RASSF3: variants seen among roughly 807,000 people sequenced by gnomAD.
RASSF3 encodes the protein Ras association domain family member 3, also known as ras association domain-containing protein 3.
Under a neutral mutation model 19.9 loss-of-function variants are expected in RASSF3, and 19 were observed. The ratio of observed to expected loss-of-function variants is 0.96; its 90% CI spans 0.67 to 1.40. RASSF3 has a LOEUF of 1.40. Ranked by LOEUF, RASSF3 falls within the 40% of genes most tolerant of loss-of-function variation. RASSF3 has a pLI of 0.00. For synonymous variants in RASSF3, 110 were observed against 104.2 expected, an observed-to-expected ratio of 1.06 and a Z score of -0.34; for missense variants, 306 against 289.8, an observed-to-expected ratio of 1.06 and a Z score of -0.41.
intron 1 of RASSF3, among the ~76,000 whole-genome samples, chr12:64,644,580 C>G (rs1426660154): frequency 3.3e-5 from 5 of 152,076 alleles, no homozygotes; most frequent in Non-Finnish European, 7.4e-5. Flanking sequence ...GCCTGTAGTT[C>G]CAGCTACCCG....
intron 1 of RASSF3, among the ~76,000 whole-genome samples, chr12:64,535,061 T>C (rs1296466226): frequency 6.6e-6 from 1 of 150,858 alleles, no homozygotes; most frequent in Admixed American, 6.7e-5. Flanking sequence ...AAAATGTATG[T>C]TCATTTCAGA....
At chr12:64,638,105 T>A (rs1255399034) in intron 1 of RASSF3, among the ~76,000 whole-genome samples, 2 of 152,150 alleles carry the variant, frequency 1.3e-5, no homozygotes. Context: ...GTTGGGATTA[T>A]AGGCATGAGC....
rs1868344866 is a variant in RASSF3 at position 64,695,595 on chromosome 12, G to A, written c.*683G>A. 6.6e-6 allele frequency: 1 copy of A among 152,534 alleles called. No individual in the cohort carries two copies. The highest frequency in any genetic ancestry group is 1.5e-5 in the Non-Finnish European group (1 of 68,134). The allele number at this position is 152,534 out of a possible 1,614,324, so 9.4% of individuals were successfully genotyped here. ...TGTAAACGAGTTAAAAGCATTCAGT[G>A]TGGAGGTGTTAAACCCATTTTAGGA... is the stretch of plus-strand genomic sequence containing the variant. On this transcript the variant is annotated 3_prime_UTR_variant, in exon 5 of 5. Transcript: ENST00000542104.
upstream of RASSF3, among the ~76,000 whole-genome samples, chr12:64,531,144 C>G (rs1405162400): frequency 6.6e-6 from 1 of 152,132 alleles, no homozygotes; most frequent in Non-Finnish European, 1.5e-5. Context: ...TGATTCCCTC[C>G]TATGTTTTCT....
At chr12:64,603,163 C>CTT (rs549257057) in intron 2 of RASSF3, among the ~76,000 whole-genome samples, 13 of 149,806 alleles carry the variant, frequency 8.7e-5, no homozygotes, top group African/African-American at 3.0e-4. Flanking sequence ...GTTTCTTTAA[C>CTT]TTTTTTTTTT....
At chr12:64,587,258 T>C (rs1376600468) in intron 2 of RASSF3, among the ~76,000 whole-genome samples, 1 of 151,956 alleles carries the variant, frequency 6.6e-6, no homozygotes. Flanking sequence ...AGTTTCTCCA[T>C]GTTGGTCAGG....
chr12:64,543,447 C>CCCCCGCTGCCCGCCTGCCCCCCGCT (rs1565836117), downstream of RASSF3, among the ~76,000 whole-genome samples: 1 of 62,782 alleles, frequency 1.6e-5, no homozygotes, highest in Non-Finnish European at 3.7e-5. Context: ...CCCCCGTGCC[C>CCCCCGCTGCCCGCCTGCCCCCCGCT]GCCCGCCCCC....
intron 2 of RASSF3, among the ~76,000 whole-genome samples, chr12:64,556,914 G>T (rs925025405): frequency 7.0e-6 from 1 of 141,952 alleles, no homozygotes; most frequent in East Asian, 2.1e-4. Context: ...TCAGCTCACT[G>T]CAACCTCTGC....
chr12:64,605,748 G>C (rs1870179548), upstream of RASSF3, among the ~76,000 whole-genome samples: 1 of 151,962 alleles, frequency 6.6e-6, no homozygotes, highest in Non-Finnish European at 1.5e-5. Context: ...AATTAGCCAG[G>C]GTAGTGGCGC....
chr12:64,523,639 C>T (rs1263155466), intron 1 of RASSF3, among the ~76,000 whole-genome samples: 3 of 152,162 alleles, frequency 2.0e-5, no homozygotes, highest in East Asian at 1.9e-4. Context: ...CCTACCCTTC[C>T]TCCTCCTGTA....
intron 1 of RASSF3, among the ~76,000 whole-genome samples, chr12:64,540,927 C>T (rs1868923469): frequency 6.6e-6 from 1 of 152,090 alleles, no homozygotes; most frequent in African/African-American, 2.4e-5. Context: ...TGTGCCACCA[C>T]ACCTGGCAAA....
rs369749439 is a variant in RASSF3 at position 64,691,536 on chromosome 12, C to T, written c.524C>T (p.Thr175Ile). The change falls in exon 4 of 5, where the codon ACA (threonine) becomes ATA (isoleucine). Residue 175 changes from threonine (T) to isoleucine (I), a missense_variant. Transcript: ENST00000542104. ...LYLRLVAGPR[T>I]DTLSFVLREH... is the part of the protein sequence containing the mutation. ...CTGCGTTTGGTAGCAGGGCCCAGAA[C>T]AGACACACTTAGTTTTGTTCTTCGT... is the stretch of plus-strand genomic sequence containing the variant. 2.4e-5 allele frequency: 38 copies of T among 1,613,894 alleles called. No individual in the cohort carries two copies. The African/African-American group carries it at 3.2e-4, about 14-fold the overall frequency.
chr12:64,562,830 G>C (rs1482792877), intron 2 of RASSF3, among the ~76,000 whole-genome samples: 3 of 152,034 alleles, frequency 2.0e-5, no homozygotes, highest in African/African-American at 7.3e-5. Flanking sequence ...GTCTCACTTT[G>C]TTCCCCATGC....
intron 1 of RASSF3, among the ~76,000 whole-genome samples, chr12:64,627,426 A>T (rs914777461): frequency 6.6e-6 from 1 of 152,186 alleles, no homozygotes; most frequent in East Asian, 1.9e-4. Context: ...TTACTGTTGG[A>T]TGCATCAGGG....
chr12:64,686,755 A>G lies in RASSF3; in HGVS notation c.220-1461A>G, dbSNP rs149490354. Among the ~76,000 whole-genome samples, 1,502 of 152,256 alleles carry G rather than the reference A, an allele frequency of 9.9e-3. 32 individuals carry two copies. Among genetic ancestry groups the G allele is most frequent in the African/African-American group, 0.034 (1,423 of 41,542 alleles). On this transcript the variant is annotated intron_variant, in intron 2 of 4. Transcript: ENST00000542104. ...GGCAGGAGGATCACTTGAACTCAGG[A>G]AGTTGAGGCTGCAGTGAGCTGTGTT...
intron 2 of RASSF3, among the ~76,000 whole-genome samples, chr12:64,581,516 T>C (rs1869696003): frequency 6.6e-6 from 1 of 151,984 alleles, no homozygotes. Flanking sequence ...TGAGACCAGA[T>C]TGGGCAACAT....
chr12:64,549,655 C>G (rs959799288), intron 2 of RASSF3, among the ~76,000 whole-genome samples: 4 of 152,166 alleles, frequency 2.6e-5, no homozygotes, highest in African/African-American at 9.7e-5. Flanking sequence ...AAGCTCCCCT[C>G]CTGTGGGGGG....
At chr12:64,602,117 A>G (rs947099625) in intron 2 of RASSF3, among the ~76,000 whole-genome samples, 1 of 135,758 alleles carries the variant, frequency 7.4e-6, no homozygotes, top group Non-Finnish European at 1.6e-5. Context: ...TTCGTCTCAG[A>G]AAAAAAAAAA....
intron 1 of RASSF3, among the ~76,000 whole-genome samples, chr12:64,535,327 A>C (rs948750897): frequency 6.6e-6 from 1 of 151,732 alleles, no homozygotes; most frequent in Non-Finnish European, 1.5e-5. Context: ...AAAAAAAAAA[A>C]CAAAATAAAC....
Sources: gnomAD v4.1 joint callset for allele counts (sites outside exome capture counted in the v4.1 genomes callset) on GRCh38, gnomAD v4.1.1 for gene constraint, MANE v1.5 for transcripts, NCBI Gene and HGNC (gene_info 2026-07-23, HGNC 2026-07-21) for gene names.